KCNN3: variants seen among roughly 807,000 people sequenced by gnomAD.
The protein encoded by KCNN3 is small conductance calcium-activated potassium channel protein 3.
In KCNN3, 16 loss-of-function variants were observed where a neutral mutation model predicts 62.9. The observed-to-expected ratio is 0.25, with a 90% CI of 0.17 to 0.39. The LOEUF (loss-of-function observed/expected upper bound fraction) is 0.39. Ranked by LOEUF, KCNN3 falls within the 10% of genes least tolerant of loss-of-function variation. The probability of loss-of-function intolerance (pLI) is 1.00; values close to 1 mark genes in which losing one functional copy is unlikely to be tolerated. For synonymous variants in KCNN3, 370 were observed against 389.2 expected (o/e 0.95, Z 0.58); for missense variants, 599 against 949.4 (o/e 0.63, Z 4.85).
chr1:154,859,367 C>T (rs1652663082), intron 1 of KCNN3, among the ~76,000 whole-genome samples: 1 of 152,258 alleles, frequency 6.6e-6, no homozygotes, highest in Non-Finnish European at 1.5e-5. Context: ...CCACCACTTG[C>T]TGGCAGCCCA....
intron 3 of KCNN3, among the ~76,000 whole-genome samples, chr1:154,752,435 G>A (rs1647423592): frequency 6.6e-6 from 1 of 152,174 alleles, no homozygotes; most frequent in African/African-American, 2.4e-5. Flanking sequence ...GGACAGCCAT[G>A]CCCAGCTGGC....
intron 3 of KCNN3, among the ~76,000 whole-genome samples, chr1:154,759,234 G>A (rs1416301502): frequency 6.6e-6 from 1 of 152,238 alleles, no homozygotes; most frequent in Non-Finnish European, 1.5e-5. Flanking sequence ...ACACAGGGGG[G>A]TGAAGAGCTG....
intron 1 of KCNN3, among the ~76,000 whole-genome samples, chr1:154,836,384 A>G (rs954655762): frequency 6.6e-6 from 1 of 152,176 alleles, no homozygotes; most frequent in Non-Finnish European, 1.5e-5. Context: ...CGGTTACAGA[A>G]TATTAGTTCT....
rs562496470 is a variant in KCNN3 at position 154,772,961 on chromosome 1, G to A, written c.1030-568C>T. On this transcript the variant is annotated intron_variant, in intron 2 of 7. Coordinates refer to ENST00000271915, the MANE Select transcript of KCNN3 (RefSeq NM_002249.6). This position sits in a 1 kb window ranked among gnomAD's most constrained non-coding sequence, Gnocchi z 5.6. Reference sequence around the variant, plus strand: ...GGCCAATGATGTCATCAATTATGTCGGTGTAATGAAACCTCCACAAAATCC... The same window carrying A: ...GGCCAATGATGTCATCAATTATGTCAGTGTAATGAAACCTCCACAAAATCC... 2.0e-5 allele frequency among the ~76,000 whole-genome samples: 3 copies of A among 152,156 alleles called. No homozygotes were observed. Among genetic ancestry groups the A allele is most frequent in the East Asian group, 1.9e-4 (1 of 5,170 alleles).
intron 2 of KCNN3, among the ~76,000 whole-genome samples, chr1:154,816,068 C>G (rs919458020): frequency 3.9e-5 from 6 of 152,176 alleles, no homozygotes; most frequent in Non-Finnish European, 5.9e-5. Context: ...CCTGTCTGCT[C>G]AGAACTCTAT....
intron 2 of KCNN3, among the ~76,000 whole-genome samples, chr1:154,775,711 G>GACTCA (rs994894410): frequency 9.2e-5 from 14 of 152,072 alleles, no homozygotes; most frequent in Non-Finnish European, 1.9e-4. Flanking sequence ...ACCAGCTGGA[G>GACTCA]ACTCACCCTC....
Position 154,705,176 on chromosome 1 carries a change from T to A in KCNN3, c.*2800A>T, listed in dbSNP as rs1385280062. 6.6e-6 allele frequency: 1 copy of A among 152,182 alleles called. No individual in the cohort carries two copies. Among genetic ancestry groups the A allele is most frequent in the African/African-American group, 2.4e-5 (1 of 41,424 alleles). 9.4% of individuals were successfully genotyped at this position (152,182 alleles called of 1,614,324 possible). ...GAGAATCCACCTGCCCCTTTTCCCA[T>A]CTGACTGTGATGCTGAGGTGTGGTG... On this transcript the variant is annotated 3_prime_UTR_variant, in exon 8 of 8. Transcript: ENST00000271915.
chr1:154,845,716 G>A (rs1441352351), intron 1 of KCNN3, among the ~76,000 whole-genome samples: 3 of 152,114 alleles, frequency 2.0e-5, no homozygotes, highest in Admixed American at 2.0e-4. Context: ...CTAGGGCCGT[G>A]CCCCAGCCAG....
intron 3 of KCNN3, among the ~76,000 whole-genome samples, chr1:154,736,814 TGTTCTTGTGG>T (rs755094393): frequency 3.0e-4 from 45 of 152,272 alleles, no homozygotes; most frequent in Non-Finnish European, 3.1e-4. Flanking sequence ...ATATAAATTA[TGTTCTTGTGG>T]GTTTCTTTTT....
intron 3 of KCNN3, among the ~76,000 whole-genome samples, chr1:154,753,044 T>C (rs1381765723): frequency 1.3e-5 from 2 of 152,172 alleles, no homozygotes; most frequent in African/African-American, 4.8e-5. Flanking sequence ...ATTTACTCTC[T>C]AAATAAAATG....
At chr1:154,848,921 G>A (rs985651108) in intron 1 of KCNN3, among the ~76,000 whole-genome samples, 3 of 152,132 alleles carry the variant, frequency 2.0e-5, no homozygotes, top group Admixed American at 6.5e-5. Context: ...GTCCCCCAAC[G>A]TCCCCGGGGC....
intron 5 of KCNN3, among the ~76,000 whole-genome samples, chr1:154,721,696 C>A (rs72700220): frequency 0.067 from 10,196 of 152,008 alleles, 401 homozygotes; most frequent in Middle Eastern, 0.12. Flanking sequence ...CATCTTGGTG[C>A]CCCCAGAGTA....
Position 154,705,209 on chromosome 1 carries a change from C to T in KCNN3, c.*2767G>A, listed in dbSNP as rs1699944301. The T allele has an allele frequency of 6.6e-6, 1 of 152,122 alleles. No homozygotes were observed. Among genetic ancestry groups the T allele is most frequent in the Non-Finnish European group, 1.5e-5 (1 of 68,018 alleles). 9.4% of individuals were successfully genotyped at this position (152,122 alleles called of 1,614,324 possible). A position where few individuals can be genotyped will look rare whatever the true frequency, so the allele number is the denominator to read the frequency against. On this transcript the variant is annotated 3_prime_UTR_variant, in exon 8 of 8. Transcript: ENST00000271915. ...TGATGCTGAGGTGTGGTGGAATTAG[C>T]CAAAAGATGTAGGAAGAAAACTTGG...
In KCNN3 at chr1:154,809,007, C is replaced by T. The variant is rs1399892513; in HGVS notation, c.1029+13082G>A. ...CTGCTCTGCGCCCACTGGATGGCTCCGCCGTGTCTGGTTACTGATCTCTGG... is the reference window on the plus strand; with the variant it reads ...CTGCTCTGCGCCCACTGGATGGCTCTGCCGTGTCTGGTTACTGATCTCTGG... On this transcript the variant is annotated intron_variant, in intron 2 of 7. Transcript: ENST00000271915. The surrounding 1 kb of genome is among the most constrained non-coding windows in gnomAD (Gnocchi z 4.3). 4.6e-5 allele frequency among the ~76,000 whole-genome samples: 7 copies of T among 152,164 alleles called. No individual in the cohort carries two copies. Among genetic ancestry groups the T allele is most frequent in the African/African-American group, 1.7e-4 (7 of 41,440 alleles).
chr1:154,863,125 G>A (rs1652827635), intron 1 of KCNN3, among the ~76,000 whole-genome samples: 1 of 152,134 alleles, frequency 6.6e-6, no homozygotes, highest in Non-Finnish European at 1.5e-5. Context: ...CCAGCCCAGC[G>A]AAGTGCTGGG....
chr1:154,711,266 TCTCA>T (rs1312749579), intron 7 of KCNN3, among the ~76,000 whole-genome samples: 13 of 143,388 alleles, frequency 9.1e-5, no homozygotes, highest in Non-Finnish European at 1.9e-4. Flanking sequence ...CACCGCATGT[TCTCA>T]CTCATAGGTG....
chr1:154,851,195 T>A (rs1272672465), intron 1 of KCNN3, among the ~76,000 whole-genome samples: 2 of 152,034 alleles, frequency 1.3e-5, no homozygotes, highest in Non-Finnish European at 2.9e-5. Context: ...GCCAGGTTGG[T>A]CTCAAACTCC....
At chr1:154,806,245 G>A (rs74459607) in intron 2 of KCNN3, among the ~76,000 whole-genome samples, 2,209 of 152,338 alleles carry the variant, frequency 0.015, 52 homozygotes, top group African/African-American at 0.05. Context: ...ATCTCAAGGT[G>A]TTGGGTACCC....
chr1:154,756,560 GTCTTCTCAT>G (rs1647721038), intron 3 of KCNN3, among the ~76,000 whole-genome samples: 1 of 151,920 alleles, frequency 6.6e-6, no homozygotes, highest in Non-Finnish European at 1.5e-5. Context: ...CCTTGGTGCA[GTCTTCTCAT>G]TCTTCTCAGA....
Sources: gnomAD v4.1 joint callset for allele counts (sites outside exome capture counted in the v4.1 genomes callset) on GRCh38, gnomAD v4.1.1 for gene constraint, Gnocchi (gnomAD v3.1) non-coding constraint, MANE v1.5 for transcripts, NCBI Gene and HGNC (gene_info 2026-07-23, HGNC 2026-07-21) for gene names.